The following RRBP1 variants were observed in gnomAD, a reference collection of about 807,000 sequenced individuals.
RRBP1 encodes the protein ribosome binding protein 1, also known as ribosome-binding protein 1.
Under a neutral mutation model 165.2 loss-of-function variants are expected in RRBP1, and 94 were observed. The ratio of observed to expected loss-of-function variants is 0.57; its 90% CI spans 0.48 to 0.68. The LOEUF (loss-of-function observed/expected upper bound fraction) is 0.68, where lower values mean the gene tolerates loss of function less well. Among genes scored for constraint, RRBP1 ranks in the 30% least tolerant of loss-of-function variants. The pLI, the probability that RRBP1 is intolerant of heterozygous loss-of-function variation, is 0.00. For synonymous variants in RRBP1, 680 were observed against 714.5 expected (o/e 0.95, Z 0.77); for missense variants, 1,676 against 1,763.0 (o/e 0.95, Z 0.88).
chr20:17,625,661 CCCA>C, intron 11 of RRBP1, 59 bp from the exon 12 acceptor site: 1 of 1,393,108 alleles, frequency 7.2e-7, no homozygotes, highest in Non-Finnish European at 1.0e-6. Flanking sequence ...CCCTACAGAT[CCCA>C]CCTGAGGCCC....
chr20:17,660,091 T>G lies in RRBP1; in HGVS notation c.417A>C (p.Lys139Asn), dbSNP rs1189631882. Residue 139 changes from lysine to asparagine, a missense_variant, in exon 3 of 25, where the codon AAA (lysine) becomes AAC (asparagine). Coordinates refer to ENST00000377813, the MANE Select transcript of RRBP1 (RefSeq NM_001365613.2). ...QEKLASSPKD[K>N]KKKEKKVAKV... Reference sequence around the variant, plus strand: ...TTGCCACTTTTTTCTCCTTCTTCTTTTTGTCCTTGGGGGAGGAGGCCAGCT... The same window carrying G: ...TTGCCACTTTTTTCTCCTTCTTCTTGTTGTCCTTGGGGGAGGAGGCCAGCT... The G allele has an allele frequency of 1.9e-6, 3 of 1,614,096 alleles. No homozygotes were observed. The highest frequency in any genetic ancestry group is 2.5e-6 in the Non-Finnish European group (3 of 1,180,012).
chr20:17,614,312 G>A, intron 24 of RRBP1, 92 bp from the exon 25 acceptor site: 1 of 1,264,908 alleles, frequency 7.9e-7, no homozygotes, highest in Non-Finnish European at 1.1e-6. Context: ...GTCCCTCCCT[G>A]GATTGACCCC....
chr20:17,642,908 G>C (rs1285911815), intron 4 of RRBP1, 71 bp downstream of exon 4: 1 of 1,510,198 alleles, frequency 6.6e-7, no homozygotes, highest in African/African-American at 1.4e-5. Flanking sequence ...CTCTGTGGCA[G>C]AGGGAAGGGC....
intron 2 of RRBP1, among the ~76,000 whole-genome samples, chr20:17,665,962 A>C (rs1040267660): frequency 1.3e-5 from 2 of 152,110 alleles, no homozygotes; most frequent in Non-Finnish European, 2.9e-5. Context: ...TCCTTCCCCC[A>C]CAGACTCAGA....
At chr20:17,642,932 C>A in intron 4 of RRBP1, 47 bp downstream of exon 4, 1 of 1,596,152 alleles carries the variant, frequency 6.3e-7, no homozygotes, top group South Asian at 1.1e-5. Flanking sequence ...ACCACCCTAG[C>A]CAGCTGCAGT....
intron 3 of RRBP1, among the ~76,000 whole-genome samples, chr20:17,645,431 G>T (rs541765380): frequency 6.6e-6 from 1 of 152,336 alleles, no homozygotes; most frequent in East Asian, 1.9e-4. Context: ...AAATGTTAAC[G>T]CTCTCCTCTG....
rs768772195 is a variant in RRBP1, at chr20:17,616,126, A to G, written c.3868-117T>C. ...TCTAGCTTCCCCTTTCCCTGCCCCA[A>G]CGCTCCCCTCGTTGGGGAGAGGGCA... On this transcript the variant is annotated intron_variant, in intron 21 of 24. Coordinates refer to ENST00000377813, the MANE Select transcript of RRBP1 (RefSeq NM_001365613.2). 27 of 831,104 alleles carry G rather than the reference A, an allele frequency of 3.2e-5. No individual in the cohort carries two copies. In the African/African-American group the frequency reaches 3.8e-4, roughly 12 times the overall value. 51.5% of individuals were successfully genotyped at this position (831,104 alleles called of 1,614,324 possible).
chr20:17,615,159 G>C (rs540882440), intron 23 of RRBP1, among the ~76,000 whole-genome samples: 29 of 152,354 alleles, frequency 1.9e-4, no homozygotes, highest in African/African-American at 7.0e-4. Flanking sequence ...CCTGACTACT[G>C]AGCGCTGGAC....
intron 2 of RRBP1, among the ~76,000 whole-genome samples, chr20:17,669,880 T>A (rs1048587518): frequency 1.3e-5 from 2 of 152,228 alleles, no homozygotes; most frequent in African/African-American, 4.8e-5. Flanking sequence ...AGCATATGAA[T>A]CACAGTTTTG....
At chr20:17,639,894 CAAAAAAAAAAAA>C (rs11476981) in intron 5 of RRBP1, among the ~76,000 whole-genome samples, 2 of 98,794 alleles carry the variant, frequency 2.0e-5, no homozygotes, top group Non-Finnish European at 4.1e-5. Context: ...ACTCCAGTCT[CAAAAAAAAAAAA>C]AAAAAAAAGA....
chr20:17,614,719 T>G lies in RRBP1; in HGVS notation c.4194+18A>C, dbSNP rs909653052. 1 of 1,609,496 alleles carries G rather than the reference T, an allele frequency of 6.2e-7. No homozygotes were observed. Among genetic ancestry groups the G allele is most frequent in the Non-Finnish European group, 8.5e-7 (1 of 1,179,934 alleles). ...GCAGCTCGACTCCTCCCGCCCTGCT[T>G]TGGCGCCAGGCACGCACTGCCTTTT... On this transcript the variant is annotated intron_variant, in intron 24 of 24. Coordinates refer to ENST00000377813, the MANE Select transcript of RRBP1 (RefSeq NM_001365613.2).
At chr20:17,637,042 C>T (rs899168476) in intron 5 of RRBP1, among the ~76,000 whole-genome samples, 6 of 152,174 alleles carry the variant, frequency 3.9e-5, no homozygotes, top group Admixed American at 3.9e-4. Flanking sequence ...GGCACTGGCT[C>T]GGCCCTGCTG....
intron 3 of RRBP1, among the ~76,000 whole-genome samples, chr20:17,658,161 C>T (rs1015648710): frequency 2.6e-5 from 4 of 152,226 alleles, no homozygotes; most frequent in African/African-American, 9.6e-5. Flanking sequence ...GCAGTCCCTT[C>T]TCCCTGGACA....
rs73092300 is a variant in RRBP1 at position 17,658,721 on chromosome 20, T to G, written c.1787A>C (p.Gln596Pro). The G allele has an allele frequency of 6.2e-7, 1 of 1,614,222 alleles. No homozygotes were observed. Among genetic ancestry groups the G allele is most frequent in the South Asian group, 1.1e-5 (1 of 91,090 alleles). The change falls in exon 3 of 25, where the codon CAG (glutamine) becomes CCG (proline). Residue 596 changes from glutamine (Q) to proline (P), a missense_variant. Gln to Pro is a moderately conservative substitution (Grantham distance 76, BLOSUM62 -1). Coordinates refer to ENST00000377813, the MANE Select transcript of RRBP1 (RefSeq NM_001365613.2). ...AGAAGCTGACTCTGTCTTTTTACCC[T>G]GATTGGCAGCTGCGTCTGCCTTTTT... ...QGKKADAAANQGKKTESASVQ... is the reference protein window; with the variant it reads ...QGKKADAAANPGKKTESASVQ...
At chr20:17,645,909 C>T (rs2036454582) in intron 3 of RRBP1, among the ~76,000 whole-genome samples, 1 of 152,192 alleles carries the variant, frequency 6.6e-6, no homozygotes, top group Admixed American at 6.5e-5. Flanking sequence ...ACGCTTTGCC[C>T]ATCTTGGTGG....
At chr20:17,649,694 G>A (rs1487493907) in intron 3 of RRBP1, among the ~76,000 whole-genome samples, 2 of 152,110 alleles carry the variant, frequency 1.3e-5, no homozygotes, top group Admixed American at 6.5e-5. Context: ...TTTCCTGGGG[G>A]CTTGACAACT....
At chr20:17,624,447 G>T (rs1600730313) in intron 13 of RRBP1, 129 bp downstream of exon 13, 1 of 677,174 alleles carries the variant, frequency 1.5e-6, no homozygotes, top group Non-Finnish European at 2.7e-6. Flanking sequence ...TAGTGCCTCT[G>T]TATGTCTGTC....
At chr20:17,657,191 A>C (rs893918879) in intron 3 of RRBP1, among the ~76,000 whole-genome samples, 1 of 152,258 alleles carries the variant, frequency 6.6e-6, no homozygotes, top group Non-Finnish European at 1.5e-5. Flanking sequence ...GTCGCCTGCC[A>C]GCCTCTGGAA....
At chr20:17,615,302 G>A in intron 23 of RRBP1, 129 bp downstream of exon 23, 1 of 691,960 alleles carries the variant, frequency 1.4e-6, no homozygotes, top group Non-Finnish European at 2.4e-6. Context: ...AGTGACAAGG[G>A]GAACCAGTGC....
Sources: gnomAD v4.1 joint callset for allele counts (sites outside exome capture counted in the v4.1 genomes callset) on GRCh38, gnomAD v4.1.1 for gene constraint, MANE v1.5 for transcripts, NCBI Gene and HGNC (gene_info 2026-07-23, HGNC 2026-07-21) for gene names.